Variants in IGF2BP1 observed in about 807,000 individuals in gnomAD.
IGF2BP1 encodes the protein insulin like growth factor 2 mRNA binding protein 1, also known as insulin-like growth factor 2 mRNA-binding protein 1.
In IGF2BP1, 11 loss-of-function variants were observed where a neutral mutation model predicts 74.9. That is an observed-to-expected ratio of 0.15 (90% confidence interval 0.09 to 0.24). The LOEUF (loss-of-function observed/expected upper bound fraction) is 0.24. Among genes scored for constraint, IGF2BP1 ranks in the 10% least tolerant of loss-of-function variants. The pLI is 1.00. For missense variants in IGF2BP1, 440 were observed against 757.4 expected (o/e 0.58, Z 4.92); for synonymous variants, 287 against 281.8 (o/e 1.02, Z -0.18).
chr17:49,007,328 C>T lies in IGF2BP1; in HGVS notation c.236+8159C>T, dbSNP rs559300403. Among the ~76,000 whole-genome samples, 4 of 152,334 alleles carry T rather than the reference C, an allele frequency of 2.6e-5. No homozygotes were observed. In the East Asian group the frequency reaches 7.7e-4, roughly 29 times the overall value. On this transcript the variant is annotated intron_variant, in intron 2 of 14. Transcript: ENST00000290341. ...GTCCTCACATTCTCCCCCTGGTTCC[C>T]TGGTCTGGAACCAGTTCCCAGAGAT... is the stretch of plus-strand genomic sequence containing the variant.
At chr17:49,049,286 T>G (rs1369176730) in intron 14 of IGF2BP1, 66 bp from the exon 15 acceptor site, 6 of 1,371,666 alleles carry the variant, frequency 4.4e-6, no homozygotes, top group Non-Finnish European at 6.2e-6. Flanking sequence ...CCTGATGACC[T>G]CTCTTCCGTG....
In IGF2BP1 at chr17:49,043,626, G is replaced by A. The variant is rs2042077658; in HGVS notation, c.1200+76G>A. The A allele has an allele frequency of 3.2e-6, 5 of 1,545,034 alleles. No homozygotes were observed. In the South Asian group the frequency reaches 3.5e-5, roughly 11 times the overall value. ...CCTTAAGGGGGACTCAGCATGCTCT[G>A]GGAGTTGGATGCTTGGCAAGTTTGC... On this transcript the variant is annotated intron_variant, in intron 10 of 14. Coordinates refer to ENST00000290341, the MANE Select transcript of IGF2BP1 (RefSeq NM_006546.4).
At chr17:49,040,163 G>A in intron 7 of IGF2BP1, 72 bp downstream of exon 7, 1 of 1,516,472 alleles carries the variant, frequency 6.6e-7, no homozygotes, top group Non-Finnish European at 9.0e-7. Context: ...CAACTTTCAA[G>A]CTTTTATACA....
intron 2 of IGF2BP1, among the ~76,000 whole-genome samples, chr17:49,011,828 T>G (rs1019459838): frequency 3.3e-5 from 5 of 150,190 alleles, no homozygotes; most frequent in African/African-American, 4.8e-5. Flanking sequence ...CCCCAGGCAT[T>G]TCATACCTAC....
At chr17:49,033,523 A>C (rs750985105) in intron 5 of IGF2BP1, among the ~76,000 whole-genome samples, 3 of 151,762 alleles carry the variant, frequency 2.0e-5, no homozygotes, top group Non-Finnish European at 2.9e-5. Flanking sequence ...TTGTATTTTT[A>C]GTAGAGATGG....
chr17:49,023,467 T>G (rs2041816103), intron 2 of IGF2BP1, among the ~76,000 whole-genome samples: 1 of 152,312 alleles, frequency 6.6e-6, no homozygotes. Context: ...CTGGAGATAC[T>G]GAGGTCATAT....
At chr17:49,025,324 G>GTA (rs1192187708) in intron 2 of IGF2BP1, among the ~76,000 whole-genome samples, 1 of 146,612 alleles carries the variant, frequency 6.8e-6, no homozygotes, top group Admixed American at 6.8e-5. Context: ...GTGTGTGTGT[G>GTA]TGTGTGTGTG....
In IGF2BP1 at chr17:49,048,179, T is replaced by C. The variant is rs2042127642; in HGVS notation, c.1642-1173T>C. Among the ~76,000 whole-genome samples the C allele has an allele frequency of 1.3e-5, 2 of 152,218 alleles. 1 individual carries two copies. Among genetic ancestry groups the C allele is most frequent in the Admixed American group, 1.3e-4 (2 of 15,276 alleles). On this transcript the variant is annotated intron_variant, in intron 14 of 14. Coordinates refer to ENST00000290341, the MANE Select transcript of IGF2BP1 (RefSeq NM_006546.4). ...AGGAAATAATAAAAGATTGGGTATTTTGTCCATTTTTACAGTGAAGCTTAT... is the reference window on the plus strand; with the variant it reads ...AGGAAATAATAAAAGATTGGGTATTCTGTCCATTTTTACAGTGAAGCTTAT...
chr17:49,043,811 A>G (rs766558932), intron 10 of IGF2BP1, among the ~76,000 whole-genome samples, 156 bp from the exon 11 acceptor site: 2 of 152,190 alleles, frequency 1.3e-5, no homozygotes, highest in African/African-American at 2.4e-5. Context: ...TACTGGGCAT[A>G]GGAAGAGCTA....
intron 3 of IGF2BP1, among the ~76,000 whole-genome samples, chr17:49,026,217 A>G (rs2041851504): frequency 6.6e-6 from 1 of 152,110 alleles, no homozygotes; most frequent in Non-Finnish European, 1.5e-5. Flanking sequence ...GCAGAAGATA[A>G]TTTAGGGACC....
intron 2 of IGF2BP1, among the ~76,000 whole-genome samples, chr17:49,001,353 C>T (rs938538459): frequency 6.6e-6 from 1 of 152,066 alleles, no homozygotes; most frequent in Admixed American, 6.6e-5. Context: ...TATATATACT[C>T]TTGTATTTTC....
chr17:49,024,604 G>T (rs537059177), intron 2 of IGF2BP1, among the ~76,000 whole-genome samples: 1 of 152,104 alleles, frequency 6.6e-6, no homozygotes, highest in Non-Finnish European at 1.5e-5. Flanking sequence ...CCACCCTGTG[G>T]AAAGGTATTA....
At position 48,997,971 on chromosome 17, in the gene IGF2BP1, C is replaced by T; in HGVS notation, c.175+51C>T. On this transcript the variant is annotated intron_variant, in intron 1 of 14. Transcript: ENST00000290341. This position sits in a 1 kb window ranked among gnomAD's most constrained non-coding sequence, Gnocchi z 4.8. ...AAGCCACAACGAGAGCCCCGAACAA[C>T]GGAGACCCGCACCTTCCGGTTCCTC... is the stretch of plus-strand genomic sequence containing the variant. The T allele has an allele frequency of 6.3e-7, 1 of 1,582,632 alleles. No individual in the cohort carries two copies. The highest frequency in any genetic ancestry group is 8.6e-7 in the Non-Finnish European group (1 of 1,161,068).
chr17:49,033,063 T>C (rs2041944131), intron 5 of IGF2BP1, among the ~76,000 whole-genome samples: 1 of 152,220 alleles, frequency 6.6e-6, no homozygotes, highest in Admixed American at 6.5e-5. Context: ...CCGCTTGCCT[T>C]GGCCTCCCAA....
At chr17:49,010,965 C>T (rs2041609599) in intron 2 of IGF2BP1, among the ~76,000 whole-genome samples, 1 of 151,194 alleles carries the variant, frequency 6.6e-6, no homozygotes, top group Non-Finnish European at 1.5e-5. Flanking sequence ...ATTGAAACCC[C>T]GTCTCTACTA....
intron 14 of IGF2BP1, 76 bp from the exon 15 acceptor site, chr17:49,049,276 C>T (rs1322948184): frequency 2.5e-6 from 3 of 1,200,394 alleles, no homozygotes. Context: ...TGTGTCTGGA[C>T]CTGATGACCT....
At chr17:49,028,105 G>A (rs552344184) in intron 4 of IGF2BP1, among the ~76,000 whole-genome samples, 1 of 152,114 alleles carries the variant, frequency 6.6e-6, no homozygotes, top group Non-Finnish European at 1.5e-5. Flanking sequence ...CAAGGCTGCA[G>A]TGAGCTGTGA....
chr17:49,038,012 G>A (rs1403439326), intron 5 of IGF2BP1, among the ~76,000 whole-genome samples, 156 bp from the exon 6 acceptor site: 1 of 152,234 alleles, frequency 6.6e-6, no homozygotes, highest in Non-Finnish European at 1.5e-5. Context: ...AGACTGGAAA[G>A]TTGTGAAAAA....
At chr17:49,021,990 A>G (rs976778955) in intron 2 of IGF2BP1, among the ~76,000 whole-genome samples, 2 of 151,996 alleles carry the variant, frequency 1.3e-5, no homozygotes, top group Admixed American at 6.6e-5. Flanking sequence ...TGTCAGCCCT[A>G]CCCGCCTGCC....
Sources: allele counts gnomAD v4.1 joint callset (sites outside exome capture counted in the v4.1 genomes callset), GRCh38; gene constraint gnomAD v4.1.1; non-coding constraint Gnocchi (gnomAD v3.1); transcripts MANE v1.5; gene names NCBI Gene and HGNC (gene_info 2026-07-23, HGNC 2026-07-21).